NIBAN1: variants seen among roughly 807,000 people sequenced by gnomAD.
The protein encoded by NIBAN1 is niban apoptosis regulator 1, also known as protein Niban 1.
A neutral mutation model predicts 75.1 loss-of-function variants in NIBAN1; 81 were observed. The observed-to-expected ratio is 1.08, with a 90% CI of 0.90 to 1.30. The LOEUF is 1.30. Ranked by LOEUF, NIBAN1 falls within the 50% of genes most tolerant of loss-of-function variation. NIBAN1 has a pLI of 0.00. For synonymous variants in NIBAN1, 436 were observed against 424.8 expected (o/e 1.03, Z -0.32); for missense variants, 1,133 against 1,128.1 (o/e 1.00, Z -0.06).
Position 184,823,289 on chromosome 1 carries a change from G to A in NIBAN1, c.863C>T (p.Ser288Leu), listed in dbSNP as rs773849976. ...EAYTLVQHQV[S>L]EGLSALKEEC... is the part of the protein sequence containing the mutation. ...CTCCTTCAAGGCACTTAATCCTTCT[G>A]AAACTTGATGCTGAACCAGGGTGTA... is the stretch of plus-strand genomic sequence containing the variant. The change falls in exon 8 of 14, where the codon TCA becomes TTA. Residue 288 changes from serine to leucine, a missense_variant. Coordinates refer to ENST00000367511, the MANE Select transcript of NIBAN1 (RefSeq NM_052966.4). The A allele has an allele frequency of 2.5e-6, 4 of 1,614,018 alleles. No homozygotes were observed. The highest frequency in any genetic ancestry group is 3.3e-5 in the Admixed American group (2 of 60,006).
chr1:184,966,354 T>A (rs567504608), intron 1 of NIBAN1, among the ~76,000 whole-genome samples: 2 of 152,184 alleles, frequency 1.3e-5, no homozygotes, highest in South Asian at 4.1e-4. Flanking sequence ...ATTGGAGAGG[T>A]CATGTAGAAA....
At chr1:184,912,234 C>A (rs755444286) in intron 1 of NIBAN1, among the ~76,000 whole-genome samples, 4 of 152,012 alleles carry the variant, frequency 2.6e-5, no homozygotes, top group African/African-American at 9.7e-5. Context: ...ATAATTCTAA[C>A]ATATAGTACA....
At position 184,890,191 on chromosome 1, in the gene NIBAN1, C is replaced by T. The variant is rs763817830; in HGVS notation, c.350G>A (p.Arg117Gln). ...CACCTTGCCACCGGCTGGAAGAATT[C>T]GACATTTAGGAGCAGCTCCTCTCTG... is the stretch of plus-strand genomic sequence containing the variant. The part of the protein sequence containing the change: ...AYQRGAAPKC[R>Q]ILPAGGKVLT... Residue 117 changes from arginine to glutamine, a missense_variant, in exon 4 of 14, where the codon CGA becomes CAA. Coordinates refer to ENST00000367511, the MANE Select transcript of NIBAN1 (RefSeq NM_052966.4). The T allele has an allele frequency of 1.7e-5, 28 of 1,613,636 alleles. No homozygotes were observed. The highest frequency in any genetic ancestry group is 3.3e-5 in the South Asian group (3 of 91,068).
chr1:184,863,356 GT>G (rs1472701991), intron 5 of NIBAN1, among the ~76,000 whole-genome samples: 3 of 152,178 alleles, frequency 2.0e-5, no homozygotes, highest in Non-Finnish European at 4.4e-5. Flanking sequence ...TGGAAATGTT[GT>G]TTCTTCTAAT....
At chr1:184,853,990 CAAGT>C (rs1042708707) in intron 5 of NIBAN1, among the ~76,000 whole-genome samples, 5 of 152,100 alleles carry the variant, frequency 3.3e-5, no homozygotes, top group Non-Finnish European at 5.9e-5. Context: ...AAAAAAGACA[CAAGT>C]AAGATTAATG....
In NIBAN1 at chr1:184,875,653, T is replaced by C. The variant is rs550797725; in HGVS notation, c.601+8980A>G. 1.1e-3 allele frequency among the ~76,000 whole-genome samples: 175 copies of C among 152,300 alleles called. 2 individuals carry two copies. The highest frequency in any genetic ancestry group is 0.011 in the South Asian group (51 of 4,830). ...TCACTATGTCTGGCCAACATTCAAGTGGAGGAAAATTTGACTCCATTTTTT... is the reference window on the plus strand; with the variant it reads ...TCACTATGTCTGGCCAACATTCAAGCGGAGGAAAATTTGACTCCATTTTTT... On this transcript the variant is annotated intron_variant, in intron 5 of 13. Coordinates refer to ENST00000367511, the MANE Select transcript of NIBAN1 (RefSeq NM_052966.4).
chr1:184,884,097 G>A (rs1402997726), intron 5 of NIBAN1, among the ~76,000 whole-genome samples: 5 of 152,028 alleles, frequency 3.3e-5, no homozygotes, highest in Admixed American at 6.6e-5. Context: ...CCCATGTTCT[G>A]CTTCACCGGG....
chr1:184,930,997 C>CTTTTTTTTTT (rs200932673), intron 1 of NIBAN1, among the ~76,000 whole-genome samples: 1 of 114,556 alleles, frequency 8.7e-6, no homozygotes, highest in Non-Finnish European at 1.7e-5. Context: ...TTTTCTTCTT[C>CTTTTTTTTTT]TTTTTTTTTT....
intron 1 of NIBAN1, among the ~76,000 whole-genome samples, chr1:184,942,881 C>T (rs1006661276): frequency 2.0e-5 from 3 of 152,038 alleles, no homozygotes; most frequent in Admixed American, 1.3e-4. Context: ...GAAAAGGGAC[C>T]TCCAAGTGAC....
At chr1:184,861,601 G>T (rs1279424627) in intron 5 of NIBAN1, among the ~76,000 whole-genome samples, 2 of 142,468 alleles carry the variant, frequency 1.4e-5, no homozygotes, top group Non-Finnish European at 3.0e-5. Context: ...AAGGAGGGAA[G>T]GAAGGAAGGA....
At chr1:184,804,799 GT>G (rs1337071677) in intron 11 of NIBAN1, among the ~76,000 whole-genome samples, 1 of 129,298 alleles carries the variant, frequency 7.7e-6, no homozygotes, top group Non-Finnish European at 1.7e-5. Context: ...TTTGTTTTTT[GT>G]TTTTTGAGAT....
At chr1:184,872,240 G>A (rs549012484) in intron 5 of NIBAN1, among the ~76,000 whole-genome samples, 6 of 151,310 alleles carry the variant, frequency 4.0e-5, no homozygotes, top group South Asian at 4.2e-4. Flanking sequence ...GAAAAAGAAC[G>A]AAAATAATTA....
intron 1 of NIBAN1, among the ~76,000 whole-genome samples, chr1:184,928,373 G>A (rs941418489): frequency 2.0e-5 from 3 of 152,122 alleles, no homozygotes; most frequent in Non-Finnish European, 2.9e-5. Flanking sequence ...TGGGTCACAT[G>A]TCCCCCAACT....
intron 5 of NIBAN1, among the ~76,000 whole-genome samples, chr1:184,881,245 C>G (rs1571543164): frequency 3.9e-5 from 6 of 152,224 alleles, no homozygotes; most frequent in African/African-American, 4.8e-5. Flanking sequence ...TAGGAGCTAG[C>G]CTTACTGTTG....
chr1:184,961,197 T>C (rs1487107036), intron 1 of NIBAN1, among the ~76,000 whole-genome samples: 1 of 150,410 alleles, frequency 6.6e-6, no homozygotes, highest in Non-Finnish European at 1.5e-5. Flanking sequence ...GCCTCCTGAG[T>C]AGCTGGGACT....
At chr1:184,816,699 A>G (rs191315409) in intron 9 of NIBAN1, among the ~76,000 whole-genome samples, 1 of 151,952 alleles carries the variant, frequency 6.6e-6, no homozygotes, top group Admixed American at 6.5e-5. Flanking sequence ...ATAAGAAGGT[A>G]CTCTCTACTC....
intron 5 of NIBAN1, among the ~76,000 whole-genome samples, chr1:184,883,997 A>C (rs1227417176): frequency 6.6e-6 from 1 of 152,232 alleles, no homozygotes; most frequent in African/African-American, 2.4e-5. Context: ...ATCAGGAAGA[A>C]GGAGAGTGAA....
At chr1:184,950,622 C>T (rs1658336694) in intron 1 of NIBAN1, among the ~76,000 whole-genome samples, 1 of 152,140 alleles carries the variant, frequency 6.6e-6, no homozygotes, top group Admixed American at 6.5e-5. Context: ...CATCTAAAGG[C>T]TATCGTGAAA....
At chr1:184,827,353 C>A (rs537366593) in intron 6 of NIBAN1, among the ~76,000 whole-genome samples, 2 of 152,122 alleles carry the variant, frequency 1.3e-5, no homozygotes, top group South Asian at 4.1e-4. Context: ...CTGCCCTGAT[C>A]GAGTGCTGCC....
Sources: allele counts gnomAD v4.1 joint callset (sites outside exome capture counted in the v4.1 genomes callset), GRCh38; gene constraint gnomAD v4.1.1; transcripts MANE v1.5; gene names NCBI Gene and HGNC (gene_info 2026-07-23, HGNC 2026-07-21).